The following SMC4 variants were observed in gnomAD, a reference collection of about 807,000 sequenced individuals.
SMC4 encodes the protein structural maintenance of chromosomes 4, also known as structural maintenance of chromosomes protein 4.
A neutral mutation model predicts 145.6 loss-of-function variants in SMC4; 87 were observed. The observed-to-expected ratio is 0.60, with a 90% CI of 0.50 to 0.71. SMC4 has a LOEUF of 0.71. Ranked by LOEUF, SMC4 falls within the 30% of genes least tolerant of loss-of-function variation. The pLI, the probability that SMC4 is intolerant of heterozygous loss-of-function variation, is 0.00. For synonymous variants in SMC4, 558 were observed against 500.7 expected (o/e 1.11, Z -1.53); for missense variants, 1,447 against 1,537.1 (o/e 0.94, Z 0.98).
chr3:160,428,685 T>C, intron 17 of SMC4, 68 bp from the exon 18 acceptor site: 1 of 1,426,292 alleles, frequency 7.0e-7, no homozygotes, highest in Non-Finnish European at 9.5e-7. Flanking sequence ...ACTGAAGAAA[T>C]GTACATCTAA....
intron 17 of SMC4, among the ~76,000 whole-genome samples, chr3:160,427,436 T>C (rs1717908879): frequency 6.6e-6 from 1 of 152,112 alleles, no homozygotes; most frequent in Admixed American, 6.5e-5. Context: ...TCACCCACAC[T>C]CCCCTTTCCC....
chr3:160,406,085 G>C (rs1003955592), intron 5 of SMC4, among the ~76,000 whole-genome samples: 2 of 152,028 alleles, frequency 1.3e-5, no homozygotes, highest in African/African-American at 4.8e-5. Context: ...TTGTCCCAAC[G>C]AAGTAAATAA....
intron 4 of SMC4, chr3:160,403,851 CT>C (rs1346341735): frequency 6.6e-6 from 1 of 151,912 alleles, no homozygotes; most frequent in African/African-American, 2.4e-5. Flanking sequence ...CTTTGTGATT[CT>C]TTTTACTTTA....
intron 12 of SMC4, chr3:160,420,506 T>G: frequency 2.3e-6 from 1 of 426,118 alleles, no homozygotes; most frequent in Non-Finnish European, 4.1e-6. Context: ...GTTTTAAGCT[T>G]CATGTTGTTT....
rs765410604 is a variant in SMC4 at position 160,412,424 on chromosome 3, A to G, written c.951A>G (p.Arg317=). ...TTACCTTGGAAAATGAAATATTTAGAAAAAAGAATCATGTTTGTCAATATT... is the reference window on the plus strand; with the variant it reads ...TTACCTTGGAAAATGAAATATTTAGGAAAAAGAATCATGTTTGTCAATATT... ...EFLTLENEIF[R]KKNHVCQYYI... Residue 317 remains arginine, a synonymous_variant, in exon 7 of 24, where the codon AGA becomes AGG. Transcript: ENST00000357388. The G allele has an allele frequency of 1.2e-5, 19 of 1,605,762 alleles. No individual in the cohort carries two copies. The highest frequency in any genetic ancestry group is 3.3e-4 in the Middle Eastern group (2 of 6,056).
chr3:160,418,722 GTA>G lies in SMC4; in HGVS notation c.1672-635_1672-634del, dbSNP rs1716844778. Among the ~76,000 whole-genome samples, 5 of 152,210 alleles carry G rather than the reference GTA, an allele frequency of 3.3e-5. 1 individual carries two copies. In the Middle Eastern group the frequency reaches 0.014, roughly 414 times the overall value. ...TTTAAACTTTATGCCAGTACAGTAA[GTA>G]ATAGACATAATTTAAATCTAGTGGA... is the stretch of plus-strand genomic sequence containing the variant. On this transcript the variant is annotated intron_variant, in intron 11 of 23. Coordinates refer to ENST00000357388, the MANE Select transcript of SMC4 (RefSeq NM_001002800.3).
At chr3:160,418,166 A>G (rs1182093917) in intron 11 of SMC4, among the ~76,000 whole-genome samples, 3 of 152,202 alleles carry the variant, frequency 2.0e-5, no homozygotes, top group Admixed American at 2.0e-4. Context: ...CCATATAGTA[A>G]GTAAATCACC....
chr3:160,417,155 A>C (rs1041230787), intron 10 of SMC4, among the ~76,000 whole-genome samples: 2 of 152,194 alleles, frequency 1.3e-5, no homozygotes, highest in Admixed American at 6.5e-5. Flanking sequence ...AATTGACTGC[A>C]TTAAAAAGTC....
rs71957551 is a variant in SMC4, at chr3:160,434,601, GTTAA to G, written c.*796_*799del. ...ACTGTTGAGGAGCATCTATTTAGGG[GTTAA>G]TTACTTTAGTAATAAGTGGAAAGTA... On this transcript the variant is annotated 3_prime_UTR_variant, in exon 24 of 24. Coordinates refer to ENST00000357388, the MANE Select transcript of SMC4 (RefSeq NM_001002800.3). The G allele has an allele frequency of 9.1e-3, 1,384 of 152,262 alleles. 19 individuals carry two copies. Among genetic ancestry groups the G allele is most frequent in the African/African-American group, 0.032 (1,313 of 41,550 alleles). 9.4% of individuals were successfully genotyped at this position (152,262 alleles called of 1,614,324 possible).
chr3:160,420,828 A>G lies in SMC4; in HGVS notation c.1946A>G (p.Asp649Gly). ...GACTACATTGTTGTTGATTCTATTG[A>G]TATAGCCCAAGAATGTGTAAACTTC... ...ALDYIVVDSI[D>G]IAQECVNFLK... Residue 649 changes from aspartate (D) to glycine (G), a missense_variant, in exon 13 of 24, where the codon GAT becomes GGT. Transcript: ENST00000357388. The G allele has an allele frequency of 6.2e-7, 1 of 1,614,082 alleles. No homozygotes were observed. The highest frequency in any genetic ancestry group is 1.1e-5 in the South Asian group (1 of 91,068).
At position 160,419,546 on chromosome 3, in the gene SMC4, A is replaced by G. The variant is rs758443284; in HGVS notation, c.1857+3A>G. The G allele has an allele frequency of 6.3e-7, 1 of 1,581,930 alleles. No homozygotes were observed. Among genetic ancestry groups the G allele is most frequent in the Non-Finnish European group, 8.5e-7 (1 of 1,171,814 alleles). ...TTCCAGGAATATATGGAAGATTGGTAAAGTAGATTTTTGGGGGGCATGGCT... is the reference window on the plus strand; with the variant it reads ...TTCCAGGAATATATGGAAGATTGGTGAAGTAGATTTTTGGGGGGCATGGCT... On this transcript the variant is annotated splice_donor_region_variant and intron_variant, in intron 12 of 23. Coordinates refer to ENST00000357388, the MANE Select transcript of SMC4 (RefSeq NM_001002800.3).
intron 17 of SMC4, among the ~76,000 whole-genome samples, chr3:160,427,869 T>C (rs907219639): frequency 6.6e-6 from 1 of 152,182 alleles, no homozygotes; most frequent in Non-Finnish European, 1.5e-5. Context: ...GGCAGATCAC[T>C]TGAGATCAGG....
At chr3:160,424,589 A>G (rs1717563780) in intron 15 of SMC4, among the ~76,000 whole-genome samples, 1 of 152,148 alleles carries the variant, frequency 6.6e-6, no homozygotes, top group Non-Finnish European at 1.5e-5. Flanking sequence ...CTGTCAGATC[A>G]CAAGGTCAGG....
intron 9 of SMC4, among the ~76,000 whole-genome samples, chr3:160,414,750 C>T (rs1716411260): frequency 6.6e-6 from 1 of 152,120 alleles, no homozygotes; most frequent in Non-Finnish European, 1.5e-5. Context: ...GGGTCTCAGT[C>T]TGTTGTCCAG....
chr3:160,415,822 T>C (rs971439044), intron 9 of SMC4, among the ~76,000 whole-genome samples: 8 of 152,216 alleles, frequency 5.3e-5, no homozygotes, highest in Admixed American at 1.3e-4. Context: ...ACATGATGAC[T>C]CTGGAAGAGT....
At chr3:160,424,678 G>A (rs754157382) in intron 15 of SMC4, among the ~76,000 whole-genome samples, 189 bp from the exon 16 acceptor site, 3 of 152,082 alleles carry the variant, frequency 2.0e-5, no homozygotes, top group South Asian at 2.1e-4. Context: ...GTGGTGGCAC[G>A]CACCTGTAAC....
At position 160,433,661 on chromosome 3, in the gene SMC4, A is replaced by AAAC; in HGVS notation, c.3722_3724dup (p.Thr1241dup). 1 of 1,539,012 alleles carries AAAC rather than the reference A, an allele frequency of 6.5e-7. No homozygotes were observed. Among genetic ancestry groups the AAAC allele is most frequent in the Non-Finnish European group, 8.8e-7 (1 of 1,141,172 alleles). On this transcript the variant is annotated inframe_insertion, in exon 24 of 24. Transcript: ENST00000357388. Reference sequence around the variant, plus strand: ...CTTTTCTTTGTTTCTCTTTAGGAACAAACAAAAAATGCACAGTTCATAATA... The same window carrying AAAC: ...CTTTTCTTTGTTTCTCTTTAGGAACAAACAACAAAAAATGCACAGTTCATAATA...
chr3:160,432,397 G>C lies in SMC4; in HGVS notation c.3412G>C (p.Gly1138Arg). The C allele has an allele frequency of 6.2e-7, 1 of 1,612,996 alleles. No individual in the cohort carries two copies. Among genetic ancestry groups the C allele is most frequent in the Non-Finnish European group, 8.5e-7 (1 of 1,179,142 alleles). Residue 1138 changes from glycine (G) to arginine (R), a missense_variant, in exon 22 of 24, where the codon GGT becomes CGT. Physicochemically the swap from Gly to Arg is moderately radical, Grantham distance 125 (BLOSUM62 -2). Transcript: ENST00000357388. The part of the protein sequence containing the change: ...RKQRLNEFMA[G>R]FYIITNKLKE... ...ACAAAGGCTTAATGAATTTATGGCA[G>C]GTTTTTATATAATAACAAATAAATT... is the stretch of plus-strand genomic sequence containing the variant.
rs1716943959 is a variant in SMC4 at position 160,419,526 on chromosome 3, G to A, written c.1840G>A (p.Gly614Arg). 6.3e-7 allele frequency: 1 copy of A among 1,596,162 alleles called. No homozygotes were observed. Among genetic ancestry groups the A allele is most frequent in the Admixed American group, 1.8e-5 (1 of 54,728 alleles). Residue 614 changes from glycine to arginine, a missense_variant, in exon 12 of 24, where the codon GGA (glycine) becomes AGA (arginine). Transcript: ENST00000357388. ...AGAAAAAAAATCTGGCAGGATTCCAGGAATATATGGAAGATTGGTAAAGTA... is the reference window on the plus strand; with the variant it reads ...AGAAAAAAAATCTGGCAGGATTCCAAGAATATATGGAAGATTGGTAAAGTA... ...IQEKKSGRIPGIYGRLGDLGA... is the reference protein window; with the variant it reads ...IQEKKSGRIPRIYGRLGDLGA...
Sources: gnomAD v4.1 joint callset for allele counts (sites outside exome capture counted in the v4.1 genomes callset) on GRCh38, gnomAD v4.1.1 for gene constraint, MANE v1.5 for transcripts, NCBI Gene and HGNC (gene_info 2026-07-23, HGNC 2026-07-21) for gene names.